The following PTPRT variants were observed in gnomAD, a reference collection of about 807,000 sequenced individuals.
PTPRT encodes receptor-type tyrosine-protein phosphatase T.
PTPRT carries 56 observed loss-of-function variants against 176.8 expected under a neutral mutation model. The ratio of observed to expected loss-of-function variants is 0.32; its 90% confidence interval spans 0.26 to 0.40. PTPRT has a LOEUF of 0.40. Among genes scored for constraint, PTPRT ranks in the 10% least tolerant of loss-of-function variants. PTPRT has a pLI of 1.00. For missense variants in PTPRT, 1,540 were observed against 1,908.2 expected (o/e 0.81, Z 3.60); for synonymous variants, 783 against 739.0 (o/e 1.06, Z -0.96).
chr20:42,730,140 C>A (rs941435943), intron 6 of PTPRT, among the ~76,000 whole-genome samples: 1 of 152,186 alleles, frequency 6.6e-6, no homozygotes, highest in Non-Finnish European at 1.5e-5. Flanking sequence ...GACTTACTAC[C>A]CAACGTCATT....
intron 7 of PTPRT, among the ~76,000 whole-genome samples, chr20:42,531,128 A>G (rs2072376049): frequency 6.6e-6 from 1 of 152,126 alleles, no homozygotes; most frequent in African/African-American, 2.4e-5. Flanking sequence ...AAAACCTGAA[A>G]TTTCCGGAGT....
chr20:42,793,151 T>C (rs1406856249), intron 2 of PTPRT, among the ~76,000 whole-genome samples: 7 of 152,152 alleles, frequency 4.6e-5, no homozygotes, highest in Non-Finnish European at 8.8e-5. Flanking sequence ...CCTGAACCAG[T>C]GGCTATCAGG....
At chr20:42,254,218 C>G (rs191630225) in intron 13 of PTPRT, among the ~76,000 whole-genome samples, 64 of 152,302 alleles carry the variant, frequency 4.2e-4, no homozygotes, top group Non-Finnish European at 7.3e-4. Context: ...TCTGGTGAGT[C>G]CTGTCCAGCT....
At chr20:43,138,017 C>T (rs2013887985) in intron 1 of PTPRT, among the ~76,000 whole-genome samples, 1 of 152,166 alleles carries the variant, frequency 6.6e-6, no homozygotes, top group South Asian at 2.1e-4. Flanking sequence ...CCTGGTGTTA[C>T]CTAATTTCTC....
intron 8 of PTPRT, among the ~76,000 whole-genome samples, chr20:42,468,330 G>T (rs1457505188): frequency 3.3e-5 from 5 of 152,178 alleles, no homozygotes; most frequent in Admixed American, 3.3e-4. Context: ...TTGTCCTTGA[G>T]GTGAACGAGT....
intron 2 of PTPRT, among the ~76,000 whole-genome samples, chr20:42,793,092 G>T (rs2077400672): frequency 6.6e-6 from 1 of 152,124 alleles, no homozygotes; most frequent in African/African-American, 2.4e-5. Context: ...ACTTAGGATA[G>T]TTGGGTGGGT....
intron 7 of PTPRT, among the ~76,000 whole-genome samples, chr20:42,501,732 T>C (rs774574080): frequency 1.2e-4 from 18 of 152,198 alleles, no homozygotes; most frequent in Non-Finnish European, 2.2e-4. Context: ...CCCTGTTGTA[T>C]ACTGTCAAAC....
chr20:42,379,138 C>G (rs2058676662), intron 9 of PTPRT, among the ~76,000 whole-genome samples: 1 of 152,220 alleles, frequency 6.6e-6, no homozygotes, highest in Non-Finnish European at 1.5e-5. Context: ...AGTCTTATGC[C>G]TACCACTCCC....
chr20:43,095,265 G>A (rs763558915), intron 1 of PTPRT, among the ~76,000 whole-genome samples: 4 of 152,088 alleles, frequency 2.6e-5, no homozygotes, highest in Admixed American at 6.5e-5. Flanking sequence ...GTGATACCTC[G>A]TACTTTCACC....
intron 9 of PTPRT, among the ~76,000 whole-genome samples, chr20:42,364,097 T>C (rs2058481535): frequency 2.0e-5 from 3 of 152,090 alleles, no homozygotes; most frequent in African/African-American, 7.2e-5. Context: ...ATCAGGGGAC[T>C]TGATGCTAGA....
the PTPRT span, among the ~76,000 whole-genome samples, chr20:42,039,494 G>GC: frequency 6.6e-6 from 1 of 151,606 alleles, no homozygotes; most frequent in African/African-American, 2.4e-5. Context: ...CCCACTCCCT[G>GC]CCCCCAGCCT....
At chr20:42,410,223 T>C (rs2145734024) in intron 9 of PTPRT, among the ~76,000 whole-genome samples, 1 of 151,960 alleles carries the variant, frequency 6.6e-6, no homozygotes, top group African/African-American at 2.4e-5. Context: ...GAAGGAGGAA[T>C]TAATAAAAGA....
At chr20:42,864,826 G>A (rs1055607005) in intron 2 of PTPRT, among the ~76,000 whole-genome samples, 3 of 152,152 alleles carry the variant, frequency 2.0e-5, no homozygotes, top group African/African-American at 7.2e-5. Context: ...TTTCCATATT[G>A]CAAAGTCTAA....
intron 18 of PTPRT, among the ~76,000 whole-genome samples, chr20:42,133,346 A>G (rs1447628670): frequency 6.6e-6 from 1 of 152,210 alleles, no homozygotes; most frequent in Non-Finnish European, 1.5e-5. Flanking sequence ...ACAATGGCCT[A>G]TGGTTCAGTG....
At chr20:42,367,313 T>A (rs1196435561) in intron 9 of PTPRT, among the ~76,000 whole-genome samples, 1 of 152,154 alleles carries the variant, frequency 6.6e-6, no homozygotes, top group Non-Finnish European at 1.5e-5. Context: ...GTCGAGTAGG[T>A]CAGTCAGACC....
chr20:42,220,415 A>C (rs913327362), intron 15 of PTPRT, among the ~76,000 whole-genome samples: 1 of 152,134 alleles, frequency 6.6e-6, no homozygotes, highest in Admixed American at 6.5e-5. Context: ...ATTTATTTCC[A>C]AAAAAGAACA....
rs1446903475 is a variant in PTPRT at position 42,084,806 on chromosome 20, T to C, written c.4012A>G (p.Ile1338Val). ...GTGTCCCGGTAGGCAGGCCAGCCAA[T>C]GTACTGGAGGTGCTGGACTATACGA... ...GYRIVQHLQY[I>V]GWPAYRDTPP... The change falls in exon 29 of 31, where the codon ATT becomes GTT. Residue 1338 changes from isoleucine to valine, a missense_variant. Transcript: ENST00000373187. The C allele has an allele frequency of 2.6e-6, 4 of 1,544,170 alleles. No individual in the cohort carries two copies. Among genetic ancestry groups the C allele is most frequent in the Non-Finnish European group, 3.5e-6 (4 of 1,140,278 alleles).
At chr20:42,530,534 G>A (rs1286782719) in intron 7 of PTPRT, among the ~76,000 whole-genome samples, 1 of 152,190 alleles carries the variant, frequency 6.6e-6, no homozygotes, top group Non-Finnish European at 1.5e-5. Context: ...AAGAGGAAGT[G>A]GCTTTTGGGA....
chr20:42,613,738 T>C (rs776101328), intron 7 of PTPRT, among the ~76,000 whole-genome samples: 4 of 152,092 alleles, frequency 2.6e-5, no homozygotes, highest in Admixed American at 1.3e-4. Context: ...TGAAAGAAAA[T>C]TTCAACACTA....
Sources: gnomAD v4.1 joint callset for allele counts (sites outside exome capture counted in the v4.1 genomes callset) on GRCh38, gnomAD v4.1.1 for gene constraint, MANE v1.5 for transcripts, NCBI Gene and HGNC (gene_info 2026-07-23, HGNC 2026-07-21) for gene names.